Variants in DAB1 observed in about 807,000 individuals in gnomAD.
DAB1 encodes the protein DAB adaptor protein 1.
Under a neutral mutation model 64.6 loss-of-function variants are expected in DAB1, and 15 were observed. That is an observed-to-expected ratio of 0.23 (90% CI 0.16 to 0.36). The LOEUF is 0.36. DAB1 is among the 10% of genes least tolerant of loss of function. The probability of loss-of-function intolerance (pLI) is 1.00; values close to 1 mark genes in which losing one functional copy is unlikely to be tolerated. For synonymous variants in DAB1, 235 were observed against 251.9 expected, an observed-to-expected ratio of 0.93 and a Z score of 0.64; for missense variants, 596 against 706.7, an observed-to-expected ratio of 0.84 and a Z score of 1.78.
chr1:58,400,521 G>A (rs910173190), intron 3 of DAB1, among the ~76,000 whole-genome samples: 1 of 152,168 alleles, frequency 6.6e-6, no homozygotes, highest in Non-Finnish European at 1.5e-5. Context: ...CTAAAGAATG[G>A]AAGTTTAGAG....
intron 1 of DAB1, chr1:58,541,579 T>C (rs1646616002): frequency 9.2e-6 from 1 of 108,466 alleles, no homozygotes; most frequent in Non-Finnish European, 1.7e-5. Flanking sequence ...ATTGTGCCAC[T>C]ACACTCCGGC....
At chr1:58,487,198 A>G (rs1645590784) in intron 3 of DAB1, among the ~76,000 whole-genome samples, 1 of 152,230 alleles carries the variant, frequency 6.6e-6, no homozygotes, top group Non-Finnish European at 1.5e-5. Context: ...TGAGAAGCCC[A>G]CAGATTCTTA....
At chr1:57,294,358 T>C (rs1673023854) in intron 1 of DAB1, among the ~76,000 whole-genome samples, 3 of 152,200 alleles carry the variant, frequency 2.0e-5, no homozygotes, top group Admixed American at 6.5e-5. Context: ...AACATTCCAC[T>C]ACAGACATTC....
At chr1:57,327,937 C>A (rs781743719) in intron 1 of DAB1, among the ~76,000 whole-genome samples, 19 of 152,140 alleles carry the variant, frequency 1.2e-4, no homozygotes, top group Admixed American at 7.9e-4. Context: ...TTAAAAATAA[C>A]CTTCAGTGAT....
intron 5 of DAB1, among the ~76,000 whole-genome samples, chr1:58,114,154 G>A (rs1415139400): frequency 6.6e-6 from 1 of 151,388 alleles, no homozygotes; most frequent in Non-Finnish European, 1.5e-5. Flanking sequence ...AGCTACTCAA[G>A]AGGCTGAGGC....
intron 7 of DAB1, among the ~76,000 whole-genome samples, chr1:57,533,529 T>C (rs1363650679): frequency 2.9e-5 from 4 of 137,142 alleles, no homozygotes; most frequent in African/African-American, 1.1e-4. Flanking sequence ...AAATAGAAAA[T>C]TCATAACAGG....
chr1:58,259,017 T>C (rs1006721864), intron 4 of DAB1, among the ~76,000 whole-genome samples: 27 of 152,214 alleles, frequency 1.8e-4, no homozygotes, highest in African/African-American at 5.5e-4. Flanking sequence ...GTTTCCTCTA[T>C]TCTTAAGTGA....
At chr1:57,476,162 G>T (rs997619106) in intron 7 of DAB1, among the ~76,000 whole-genome samples, 1 of 150,432 alleles carries the variant, frequency 6.6e-6, no homozygotes, top group Non-Finnish European at 1.5e-5. Flanking sequence ...GGAGGTGGAG[G>T]TTGCAGTGAG....
intron 1 of DAB1, among the ~76,000 whole-genome samples, chr1:57,347,111 T>C (rs1570336004): frequency 6.6e-6 from 1 of 152,188 alleles, no homozygotes; most frequent in Non-Finnish European, 1.5e-5. Flanking sequence ...GCCCATTCAG[T>C]GCAGGGCCAG....
At chr1:57,810,407 C>T (rs545627488) in intron 6 of DAB1, among the ~76,000 whole-genome samples, 1 of 152,104 alleles carries the variant, frequency 6.6e-6, no homozygotes, top group Non-Finnish European at 1.5e-5. Context: ...GCCAAGTGAA[C>T]AAATTAGGAA....
intron 6 of DAB1, among the ~76,000 whole-genome samples, chr1:57,815,304 G>A (rs1044553725): frequency 6.6e-6 from 1 of 151,944 alleles, no homozygotes; most frequent in Non-Finnish European, 1.5e-5. Context: ...TCCTGACCTC[G>A]TGATCTGCCC....
At chr1:58,539,498 G>A (rs1001110353) in intron 1 of DAB1, among the ~76,000 whole-genome samples, 2 of 152,018 alleles carry the variant, frequency 1.3e-5, no homozygotes, top group African/African-American at 4.8e-5. Context: ...TATATACCAC[G>A]ATATTTACTA....
rs545620471 is a variant in DAB1 at position 57,716,355 on chromosome 1, G to A, written n.552-66690C>T. 9.2e-5 allele frequency among the ~76,000 whole-genome samples: 14 copies of A among 152,334 alleles called. No homozygotes were observed. The South Asian group carries it at 2.5e-3, about 27-fold the overall frequency. Reference sequence around the variant, plus strand: ...CTTCAAAATATATTACAAAACTATAGTGCCAAAATAGCAAGCTATTGGCAT... The same window carrying A: ...CTTCAAAATATATTACAAAACTATAATGCCAAAATAGCAAGCTATTGGCAT... On this transcript the variant is annotated intron_variant and non_coding_transcript_variant, in intron 6 of 20. Coordinates refer to the DAB1 transcript ENST00000485760.
At chr1:57,876,103 T>C (rs535139378) in intron 1 of DAB1, 1 of 152,312 alleles carries the variant, frequency 6.6e-6, no homozygotes, top group South Asian at 2.1e-4. Flanking sequence ...TCTTTCTTGC[T>C]CTTTTTTGTT....
chr1:57,018,014 A>C (rs13374012), intron 11 of DAB1, among the ~76,000 whole-genome samples: 3 of 152,146 alleles, frequency 2.0e-5, no homozygotes, highest in Admixed American at 6.5e-5. Context: ...TTGACAGTAG[A>C]CATCCTATTA....
intron 1 of DAB1, among the ~76,000 whole-genome samples, chr1:57,400,761 G>A (rs1683177986): frequency 6.6e-6 from 1 of 151,794 alleles, no homozygotes; most frequent in Non-Finnish European, 1.5e-5. Flanking sequence ...ATCATAGCTT[G>A]TGCCCATCTA....
chr1:57,840,912 A>G (rs1378882172), intron 1 of DAB1, among the ~76,000 whole-genome samples: 2 of 152,158 alleles, frequency 1.3e-5, no homozygotes, highest in African/African-American at 4.8e-5. Context: ...TTAAAAACCA[A>G]TCATGCCTTC....
intron 11 of DAB1, among the ~76,000 whole-genome samples, chr1:57,021,928 C>T (rs1223937283): frequency 6.6e-6 from 1 of 152,156 alleles, no homozygotes; most frequent in African/African-American, 2.4e-5. Context: ...ACTACAGGGG[C>T]TCCACTTACA....
At chr1:57,180,876 C>T (rs1662849794) in intron 2 of DAB1, among the ~76,000 whole-genome samples, 1 of 152,206 alleles carries the variant, frequency 6.6e-6, no homozygotes, top group African/African-American at 2.4e-5. Flanking sequence ...GAAGAAGTAA[C>T]CTTTCTTTTG....
Sources: gnomAD v4.1 joint callset for allele counts (sites outside exome capture counted in the v4.1 genomes callset) on GRCh38, gnomAD v4.1.1 for gene constraint, MANE v1.5 for transcripts, NCBI Gene and HGNC (gene_info 2026-07-23, HGNC 2026-07-21) for gene names.